Variants in ZNF117 observed in about 807,000 individuals in gnomAD.
ZNF117 encodes zinc finger protein 117, also known as Krueppel-related zinc finger protein.
In ZNF117, 37 loss-of-function variants were observed where a neutral mutation model predicts 41.2. That is an observed-to-expected ratio of 0.90 (90% CI 0.69 to 1.18). The LOEUF is 1.18. Ranked by LOEUF, ZNF117 falls within the 50% of genes most tolerant of loss-of-function variation. The probability of loss-of-function intolerance (pLI) is 0.00; values close to 1 mark genes in which losing one functional copy is unlikely to be tolerated. For synonymous variants in ZNF117, 186 were observed against 186.6 expected, an observed-to-expected ratio of 1.00 and a Z score of 0.02; for missense variants, 546 against 557.5, an observed-to-expected ratio of 0.98 and a Z score of 0.21.
At chr7:64,987,992 CGA>C (rs913030522) in intron 1 of ZNF117, among the ~76,000 whole-genome samples, 7 of 152,014 alleles carry the variant, frequency 4.6e-5, no homozygotes, top group African/African-American at 1.7e-4. Context: ...AAGCCCAGGA[CGA>C]GAGAGATTCA....
exon 3 of ZNF117, chr7:64,976,597 G>T: frequency 4.5e-6 from 1 of 222,642 alleles, no homozygotes. Context: ...GTGCTTTCCT[G>T]TGCTATAAGG....
Position 64,978,592 on chromosome 7 carries a change from G to GA in ZNF117, c.978dup (p.His327SerfsTer10). ...CATTTGTAGGGTTTCTCTCCAGTATGAATTTTTTTATGGTCAGTAAGATTT... is the reference window on the plus strand; with the variant it reads ...CATTTGTAGGGTTTCTCTCCAGTATGAAATTTTTTTATGGTCAGTAAGATTT... On this transcript the variant is annotated frameshift_variant, in exon 3 of 3. Transcript: ENST00000620222. LOFTEE classifies it high-confidence loss of function. 6.2e-7 allele frequency: 1 copy of GA among 1,612,718 alleles called. No individual in the cohort carries two copies. The highest frequency in any genetic ancestry group is 2.2e-5 in the East Asian group (1 of 44,824).
At chr7:64,984,947 C>A (rs929365651), upstream of ZNF117, among the ~76,000 whole-genome samples, 3 of 152,128 alleles carry the variant, frequency 2.0e-5, no homozygotes, top group African/African-American at 7.2e-5. Flanking sequence ...CGCGCCACCA[C>A]GCCCGGCTAA....
chr7:64,979,375 A>G, exon 3 of ZNF117: 1 of 1,606,628 alleles, frequency 6.2e-7, no homozygotes, highest in South Asian at 1.1e-5. Flanking sequence ...AGTCCACTAT[A>G]ATCTCCTTTG....
chr7:64,978,989 T>C, exon 3 of ZNF117: 14 of 1,613,450 alleles, frequency 8.7e-6, no homozygotes, highest in Non-Finnish European at 1.2e-5. Flanking sequence ...ATTCTTCACA[T>C]TTGTAGGGTT....
In ZNF117 at chr7:64,990,902, T is replaced by C. The variant is rs1584057871; in HGVS notation, c.-1151A>G. 1 of 208,376 alleles carries C rather than the reference T, an allele frequency of 4.8e-6. No individual in the cohort carries two copies. The highest frequency in any genetic ancestry group is 1.1e-4 in the East Asian group (1 of 9,076). The allele number at this position is 208,376 out of a possible 1,614,324, so 12.9% of individuals were successfully genotyped here. A position where few individuals can be genotyped will look rare whatever the true frequency, so the allele number is the denominator to read the frequency against. On this transcript the variant is annotated 5_prime_UTR_variant, in exon 1 of 4. The change creates a new upstream start codon in the 5' untranslated region. Transcript: ENST00000282869. Reference sequence around the variant, plus strand: ...TTCCCTTTACTTGTTTTTCCTTTTATATTTCCTGCTTCATTCCCCCCTTTG... The same window carrying C: ...TTCCCTTTACTTGTTTTTCCTTTTACATTTCCTGCTTCATTCCCCCCTTTG...
chr7:64,980,498 A>G (rs1786001931), intron 2 of ZNF117: 1 of 151,298 alleles, frequency 6.6e-6, no homozygotes, highest in East Asian at 1.9e-4. Flanking sequence ...ATCAAAAAAC[A>G]GATATTGTGG....
exon 3 of ZNF117, chr7:64,978,504 G>T (rs775155430): frequency 6.2e-7 from 1 of 1,613,046 alleles, no homozygotes; most frequent in African/African-American, 1.3e-5. Flanking sequence ...TTTCTCTCCA[G>T]TATGAATTAC....
At chr7:64,980,946 AT>A (rs1278649936) in intron 2 of ZNF117, 10 of 168,010 alleles carry the variant, frequency 6.0e-5, no homozygotes, top group Admixed American at 1.5e-4. Flanking sequence ...TAAAAACAGA[AT>A]GGAATATACA....
chr7:64,981,520 TATTCTCCA>T (rs1786033674), intron 1 of ZNF117, 38 bp from the exon 3 acceptor site: 1 of 1,486,596 alleles, frequency 6.7e-7, no homozygotes, highest in African/African-American at 1.4e-5. Context: ...ATCTTGCACA[TATTCTCCA>T]ATTACCAACT....
chr7:64,987,621 A>G (rs1201544892), intron 1 of ZNF117, among the ~76,000 whole-genome samples: 1 of 152,162 alleles, frequency 6.6e-6, no homozygotes, highest in Non-Finnish European at 1.5e-5. Flanking sequence ...TGACCCCACA[A>G]GAATACAAAT....
exon 3 of ZNF117, chr7:64,977,682 G>T: frequency 1.3e-6 from 1 of 780,470 alleles, no homozygotes; most frequent in Non-Finnish European, 2.1e-6. Flanking sequence ...TTTCTTATGT[G>T]TAGTAAGGTT....
chr7:64,973,068 A>C (rs182652980), downstream of ZNF117: 57 of 152,126 alleles, frequency 3.7e-4, no homozygotes, highest in Admixed American at 3.6e-3. Context: ...TTTCTAGAGA[A>C]AATGACCAAG....
At chr7:64,985,149 T>C (rs1786108144), upstream of ZNF117, among the ~76,000 whole-genome samples, 1 of 152,218 alleles carries the variant, frequency 6.6e-6, no homozygotes, top group African/African-American at 2.4e-5. Context: ...AGTGTTATAT[T>C]CACACTAGTA....
At chr7:64,977,957 A>T in exon 3 of ZNF117, 1 of 1,248,422 alleles carries the variant, frequency 8.0e-7, no homozygotes, top group Non-Finnish European at 1.2e-6. Flanking sequence ...AAGATTGGTT[A>T]AAAGCTTTGT....
At chr7:64,976,712 G>C in exon 3 of ZNF117, 1 of 351,050 alleles carries the variant, frequency 2.8e-6, no homozygotes, top group South Asian at 2.3e-5. Context: ...TAAAGGCTTT[G>C]TACCATTCTT....
At chr7:64,977,696 G>A (rs187856691) in exon 3 of ZNF117, 44 of 798,170 alleles carry the variant, frequency 5.5e-5, no homozygotes, top group African/African-American at 2.0e-4. Context: ...TAAGGTTTAC[G>A]TATAGGTTGA....
chr7:64,979,542 A>G lies in ZNF117; in HGVS notation c.35-6T>C. The G allele has an allele frequency of 6.8e-7, 1 of 1,460,700 alleles. No individual in the cohort carries two copies. Among genetic ancestry groups the G allele is most frequent in the Non-Finnish European group, 9.1e-7 (1 of 1,103,568 alleles). The allele number at this position is 1,460,700 out of a possible 1,614,324, so 90.5% of individuals were successfully genotyped here. ...GGCAAAATAATAAAACATAACTGAA[A>G]GAAATAAAAGTAACAAACTACTTCA... is the stretch of plus-strand genomic sequence containing the variant. On this transcript the variant is annotated splice_polypyrimidine_tract_variant and splice_region_variant and intron_variant, in intron 2 of 2. Coordinates refer to ENST00000620222, the Ensembl canonical transcript of ZNF117.
exon 3 of ZNF117, chr7:64,977,037 G>T (rs1785903560): frequency 1.9e-6 from 1 of 534,188 alleles, no homozygotes; most frequent in Non-Finnish European, 3.8e-6. Context: ...TAAGTTAAAA[G>T]CTTTGCCACA....
Sources: gnomAD v4.1 joint callset for allele counts (sites outside exome capture counted in the v4.1 genomes callset) on GRCh38, gnomAD v4.1.1 for gene constraint, MANE v1.5 for transcripts, NCBI Gene and HGNC (gene_info 2026-07-23, HGNC 2026-07-21) for gene names.